Variants in PMPCB observed in about 807,000 individuals in gnomAD.
PMPCB encodes the protein peptidase, mitochondrial processing subunit beta.
In PMPCB, 46 loss-of-function variants were observed where a neutral mutation model predicts 61.5. That is an observed-to-expected ratio of 0.75 (90% confidence interval 0.59 to 0.96). The LOEUF is 0.96. PMPCB is among the 40% of genes least tolerant of loss of function. PMPCB has a pLI of 0.00. For missense variants in PMPCB, 590 were observed against 602.4 expected (o/e 0.98, Z 0.22); for synonymous variants, 191 against 201.6 (o/e 0.95, Z 0.44).
At chr7:103,328,879 G>A (rs1361893723) in intron 12 of PMPCB, 3 of 546,212 alleles carry the variant, frequency 5.5e-6, no homozygotes, top group Non-Finnish European at 8.4e-6. Flanking sequence ...ATGCCAATTT[G>A]AATAATTTTA....
downstream of PMPCB, among the ~76,000 whole-genome samples, chr7:103,319,100 C>T (rs776666532): frequency 1.3e-5 from 2 of 151,952 alleles, no homozygotes; most frequent in South Asian, 2.1e-4. Flanking sequence ...TAATCCCACC[C>T]GCACTCCAGC....
intron 6 of PMPCB, 88 bp downstream of exon 6, chr7:103,304,578 A>G (rs1817530805): frequency 2.4e-6 from 2 of 845,000 alleles, no homozygotes; most frequent in Admixed American, 1.9e-5. Context: ...GAGATACCCT[A>G]AGAATTTTCA....
downstream of PMPCB, chr7:103,317,000 A>G (rs369210123): frequency 2.5e-6 from 4 of 1,612,974 alleles, no homozygotes; most frequent in African/African-American, 2.7e-5. Context: ...TGATTTGCTC[A>G]TTTATTTCTT....
At position 103,313,377 on chromosome 7, in the gene PMPCB, T is replaced by TA; in HGVS notation, c.*1107dup. The TA allele has an allele frequency of 9.0e-7, 1 of 1,112,826 alleles. No homozygotes were observed. The allele number at this position is 1,112,826 out of a possible 1,614,324, so 68.9% of individuals were successfully genotyped here. A position where few individuals can be genotyped will look rare whatever the true frequency, so the allele number is the denominator to read the frequency against. On this transcript the variant is annotated 3_prime_UTR_variant, in exon 13 of 13. Coordinates refer to ENST00000249269, the MANE Select transcript of PMPCB (RefSeq NM_004279.3). ...GTTTATCTCTTAAAAATCAATGTAA[T>TA]ACACTCACCAGACTGGTAAAAAGCC...
chr7:103,310,656 G>T, intron 9 of PMPCB, 181 bp downstream of exon 9: 1 of 409,184 alleles, frequency 2.4e-6, no homozygotes, highest in Non-Finnish European at 4.3e-6. Context: ...AAGATGTGAA[G>T]CTGATTTATA....
At chr7:103,344,206 G>A in the PMPCB span, 1 of 305,104 alleles carries the variant, frequency 3.3e-6, no homozygotes, top group Non-Finnish European at 6.1e-6. Flanking sequence ...CCAGGCACGT[G>A]GGGTGCTCGC....
At chr7:103,297,627 C>T in intron 1 of PMPCB, 69 bp downstream of exon 1, 1 of 1,597,394 alleles carries the variant, frequency 6.3e-7, no homozygotes, top group Non-Finnish European at 8.5e-7. Flanking sequence ...ACCTGAGAGT[C>T]GGCGCCACAG....
At chr7:103,338,309 T>G in the PMPCB span, among the ~76,000 whole-genome samples, 1 of 150,966 alleles carries the variant, frequency 6.6e-6, no homozygotes, top group Non-Finnish European at 1.5e-5. Flanking sequence ...TTTATTTTAT[T>G]TTTTTGAGAC....
In PMPCB at chr7:103,300,306, A is replaced by G. The variant is rs376713003; in HGVS notation, c.456A>G (p.Arg152=). The G allele has an allele frequency of 6.3e-7, 1 of 1,599,364 alleles. No individual in the cohort carries two copies. Among genetic ancestry groups the G allele is most frequent in the African/African-American group, 1.3e-5 (1 of 74,338 alleles). ...AAGCATTCTCTAAAGACTTGCCAAG[A>G]GGTACTGTTATTATTTATACAGCAG... ...YAKAFSKDLP[R]AVEILADIIQ... Residue 152 remains arginine (R), a splice_region_variant and synonymous_variant, in exon 4 of 13, where the codon AGA becomes AGG. Coordinates refer to ENST00000249269, the MANE Select transcript of PMPCB (RefSeq NM_004279.3).
downstream of PMPCB, among the ~76,000 whole-genome samples, chr7:103,331,911 AT>A (rs1487500287): frequency 1.3e-5 from 2 of 152,058 alleles, no homozygotes; most frequent in Non-Finnish European, 2.9e-5. Flanking sequence ...TCTATTTTTA[AT>A]TTTTTGAGAA....
downstream of PMPCB, chr7:103,315,814 T>A: frequency 6.2e-7 from 1 of 1,613,970 alleles, no homozygotes; most frequent in Non-Finnish European, 8.5e-7. Context: ...TACCACTCCA[T>A]GTTCTTTTTT....
intron 6 of PMPCB, among the ~76,000 whole-genome samples, chr7:103,306,475 C>T (rs903937207): frequency 2.0e-5 from 3 of 151,752 alleles, no homozygotes; most frequent in Non-Finnish European, 4.4e-5. Context: ...CTCCGCCTTC[C>T]GGATTCAACT....
the PMPCB span, among the ~76,000 whole-genome samples, chr7:103,341,341 C>T: frequency 6.6e-6 from 1 of 152,192 alleles, no homozygotes; most frequent in Admixed American, 6.5e-5. Flanking sequence ...AAGGACACAA[C>T]AGAGTTTGGT....
At chr7:103,333,923 T>A (rs905341295), downstream of PMPCB, among the ~76,000 whole-genome samples, 24 of 152,164 alleles carry the variant, frequency 1.6e-4, no homozygotes, top group African/African-American at 5.5e-4. Flanking sequence ...TTCCAGTTTC[T>A]GGACATTGTG....
chr7:103,326,743 A>G (rs1818730138), intron 12 of PMPCB: 1 of 1,495,480 alleles, frequency 6.7e-7, no homozygotes. Context: ...TTCCTGCAAG[A>G]AAACAAGTAT....
At chr7:103,298,120 C>T (rs1280366955) in intron 1 of PMPCB, among the ~76,000 whole-genome samples, 1 of 151,868 alleles carries the variant, frequency 6.6e-6, no homozygotes, top group Non-Finnish European at 1.5e-5. Flanking sequence ...TCTTCCTATC[C>T]TCTCTCTCTT....
chr7:103,312,046 CAT>C lies in PMPCB; in HGVS notation c.1330-7_1330-6del. 5 of 1,611,906 alleles carry C rather than the reference CAT, an allele frequency of 3.1e-6. No individual in the cohort carries two copies. The highest frequency in any genetic ancestry group is 3.4e-6 in the Non-Finnish European group (4 of 1,178,784). The stretch of plus-strand genomic sequence containing the variant: ...CAAACAGCTGAATGACAGTGTCTTC[CAT>C]ATTTCAGGCTGTGAATGCTGAGACA... On this transcript the variant is annotated splice_polypyrimidine_tract_variant and splice_region_variant and intron_variant, in intron 11 of 12. Transcript: ENST00000249269.
chr7:103,340,819 T>C, the PMPCB span, among the ~76,000 whole-genome samples: 14 of 152,336 alleles, frequency 9.2e-5, no homozygotes, highest in African/African-American at 3.4e-4. Flanking sequence ...CTGTAACCTC[T>C]TTTTGGAGTC....
At chr7:103,316,124 G>A (rs769345747), downstream of PMPCB, 2 of 1,363,052 alleles carry the variant, frequency 1.5e-6, no homozygotes, top group Admixed American at 2.3e-5. Flanking sequence ...ATGAATAGTA[G>A]TAAGGAAAAA....
Sources: allele counts gnomAD v4.1 joint callset (sites outside exome capture counted in the v4.1 genomes callset), GRCh38; gene constraint gnomAD v4.1.1; transcripts MANE v1.5; gene names NCBI Gene and HGNC (gene_info 2026-07-23, HGNC 2026-07-21).